NRG3: variants seen among roughly 807,000 people sequenced by gnomAD.
The protein encoded by NRG3 is pro-neuregulin-3, membrane-bound isoform.
In NRG3, 31 loss-of-function variants were observed where a neutral mutation model predicts 66.9. That is an observed-to-expected ratio of 0.46 (90% CI 0.35 to 0.63). NRG3 has a LOEUF of 0.63. Ranked by LOEUF, NRG3 falls within the 20% of genes least tolerant of loss-of-function variation. The pLI, the probability that NRG3 is intolerant of heterozygous loss-of-function variation, is 0.00. For synonymous variants in NRG3, 393 were observed against 359.4 expected (o/e 1.09, Z -1.06); for missense variants, 910 against 878.9 (o/e 1.04, Z -0.45).
At chr10:82,749,973 A>G (rs1052929460) in intron 3 of NRG3, among the ~76,000 whole-genome samples, 4 of 152,196 alleles carry the variant, frequency 2.6e-5, no homozygotes, top group African/African-American at 9.7e-5. Flanking sequence ...ATAAATTTCA[A>G]TCACATCTAA....
intron 1 of NRG3, among the ~76,000 whole-genome samples, chr10:82,167,071 C>G: frequency 6.6e-6 from 1 of 151,686 alleles, no homozygotes; most frequent in Non-Finnish European, 1.5e-5. Context: ...TTATGATGCA[C>G]CTTTATATAG....
intron 1 of NRG3, among the ~76,000 whole-genome samples, chr10:82,061,011 A>G (rs148190549): frequency 2.0e-5 from 3 of 152,270 alleles, no homozygotes; most frequent in African/African-American, 4.8e-5. Context: ...AAATAGCTCC[A>G]TATGTTTTTT....
At chr10:82,343,344 G>T (rs1239844301) in intron 1 of NRG3, among the ~76,000 whole-genome samples, 1 of 151,994 alleles carries the variant, frequency 6.6e-6, no homozygotes, top group Non-Finnish European at 1.5e-5. Flanking sequence ...TACATTTAAT[G>T]AAGGAAGTGA....
intron 1 of NRG3, among the ~76,000 whole-genome samples, chr10:82,345,441 G>C (rs939085432): frequency 3.3e-5 from 5 of 151,916 alleles, no homozygotes; most frequent in African/African-American, 9.7e-5. Flanking sequence ...TTTGGTACCA[G>C]TACCATGCTG....
intron 1 of NRG3, among the ~76,000 whole-genome samples, chr10:82,045,945 G>A (rs1283187479): frequency 6.6e-6 from 1 of 151,438 alleles, no homozygotes; most frequent in Non-Finnish European, 1.5e-5. Flanking sequence ...TTTGGTACCA[G>A]TACCATGCTG....
chr10:82,899,182 C>T (rs1214451611), intron 4 of NRG3, among the ~76,000 whole-genome samples: 1 of 152,096 alleles, frequency 6.6e-6, no homozygotes, highest in Non-Finnish European at 1.5e-5. Context: ...TTCTTCTGCA[C>T]ATAAGGGACA....
chr10:82,269,574 C>G (rs2078484845), intron 1 of NRG3, among the ~76,000 whole-genome samples: 1 of 151,940 alleles, frequency 6.6e-6, no homozygotes, highest in Non-Finnish European at 1.5e-5. Flanking sequence ...TGAAGACAAG[C>G]TCTTCATCTC....
chr10:82,091,278 A>G (rs189608350), intron 1 of NRG3, among the ~76,000 whole-genome samples: 119 of 152,248 alleles, frequency 7.8e-4, no homozygotes, highest in African/African-American at 2.8e-3. Context: ...TATCATCTCC[A>G]AAAACAACTT....
chr10:82,532,513 ATG>A (rs1847373203), intron 2 of NRG3, among the ~76,000 whole-genome samples: 1 of 147,532 alleles, frequency 6.8e-6, no homozygotes, highest in African/African-American at 2.5e-5. Context: ...ATACATCTAT[ATG>A]TATATAGTAC....
chr10:82,763,050 A>G (rs2059389288), intron 3 of NRG3, among the ~76,000 whole-genome samples: 1 of 152,198 alleles, frequency 6.6e-6, no homozygotes, highest in South Asian at 2.1e-4. Context: ...ACTAACAAAC[A>G]TGGTTTTTTG....
intron 2 of NRG3, among the ~76,000 whole-genome samples, chr10:82,386,224 C>G (rs1236820695): frequency 6.6e-6 from 1 of 152,122 alleles, no homozygotes; most frequent in Non-Finnish European, 1.5e-5. Context: ...AGTATTGAAA[C>G]TTTAATTATA....
intron 2 of NRG3, among the ~76,000 whole-genome samples, chr10:82,362,865 CTCTT>C (rs2084277977): frequency 6.6e-6 from 1 of 152,042 alleles, no homozygotes; most frequent in South Asian, 2.1e-4. Context: ...ATGTTGACCC[CTCTT>C]TCTATACCAA....
chr10:82,549,149 C>G lies in NRG3; in HGVS notation c.954-189428C>G, dbSNP rs148808305. On this transcript the variant is annotated intron_variant, in intron 2 of 8. Coordinates refer to ENST00000372141, the MANE Select transcript of NRG3 (RefSeq NM_001010848.4). ...TCATCTGTAAACTGACTAATAACAT[C>G]TCTTTGCTCATTTGAAGATTAGACA... 3.2e-4 allele frequency among the ~76,000 whole-genome samples: 48 copies of G among 152,264 alleles called. No homozygotes were observed. The East Asian group carries it at 8.1e-3, about 26-fold the overall frequency.
chr10:82,268,680 C>T (rs2134283697), intron 1 of NRG3, among the ~76,000 whole-genome samples: 1 of 152,086 alleles, frequency 6.6e-6, no homozygotes, highest in East Asian at 1.9e-4. Context: ...TCCTGGAAAG[C>T]TGAGTGGGTT....
Position 82,131,770 on chromosome 10 carries a change from C to G in NRG3, c.824-226969C>G, listed in dbSNP as rs183821641. ...TTAATTTCTTTGGTTAAGTTTATTC[C>G]TAGGTATTTAATTTTATTTGTAGCT... On this transcript the variant is annotated intron_variant, in intron 1 of 8. Coordinates refer to ENST00000372141, the MANE Select transcript of NRG3 (RefSeq NM_001010848.4). Among the ~76,000 whole-genome samples, 4 of 151,812 alleles carry G rather than the reference C, an allele frequency of 2.6e-5. No individual in the cohort carries two copies. The East Asian group carries it at 7.7e-4, about 29-fold the overall frequency.
intron 1 of NRG3, among the ~76,000 whole-genome samples, chr10:81,888,582 G>T (rs1374886957): frequency 1.3e-5 from 2 of 152,140 alleles, no homozygotes; most frequent in South Asian, 4.1e-4. Context: ...TTTCAAGGGA[G>T]AATTTCCTTA....
At chr10:82,399,528 TC>T (rs1412802584) in intron 2 of NRG3, among the ~76,000 whole-genome samples, 2 of 152,186 alleles carry the variant, frequency 1.3e-5, no homozygotes, top group African/African-American at 4.8e-5. Context: ...ATCCCTGAGA[TC>T]AGGGTGCCTA....
chr10:81,975,305 A>G lies in NRG3; in HGVS notation c.823+99142A>G, dbSNP rs1348413636. Among the ~76,000 whole-genome samples, 5 of 151,454 alleles carry G rather than the reference A, an allele frequency of 3.3e-5. No homozygotes were observed. In the Admixed American group the frequency reaches 3.3e-4, roughly 10 times the overall value. ...AGAGAATATTATATGAGCTCATACA[A>G]TTGTGTAACATCTATCTATCTATCT... On this transcript the variant is annotated intron_variant, in intron 1 of 8. Transcript: ENST00000372141.
At chr10:82,167,306 TGTTA>T (rs1241395327) in intron 1 of NRG3, among the ~76,000 whole-genome samples, 1 of 152,144 alleles carries the variant, frequency 6.6e-6, no homozygotes, top group Non-Finnish European at 1.5e-5. Context: ...TGTTTCATTC[TGTTA>T]GTTCCTGTTT....
Sources: allele counts gnomAD v4.1 joint callset (sites outside exome capture counted in the v4.1 genomes callset), GRCh38; gene constraint gnomAD v4.1.1; transcripts MANE v1.5; gene names NCBI Gene and HGNC (gene_info 2026-07-23, HGNC 2026-07-21).